The following ST6GALNAC3 variants were observed in gnomAD, a reference collection of about 807,000 sequenced individuals.
ST6GALNAC3 encodes the protein ST6 N-acetylgalactosaminide alpha-2,6-sialyltransferase 3, also known as alpha-N-acetylgalactosaminide alpha-2,6-sialyltransferase 3.
In ST6GALNAC3, 25 loss-of-function variants were observed where a neutral mutation model predicts 32.7. That is an observed-to-expected ratio of 0.76 (90% CI 0.56 to 1.07). The LOEUF (loss-of-function observed/expected upper bound fraction) is 1.07, where lower values mean the gene tolerates loss of function less well. ST6GALNAC3 is among the 50% of genes least tolerant of loss of function. The pLI is 0.00. For synonymous variants in ST6GALNAC3, 129 were observed against 133.1 expected, an observed-to-expected ratio of 0.97 and a Z score of 0.21; for missense variants, 355 against 382.4, an observed-to-expected ratio of 0.93 and a Z score of 0.60.
chr1:76,559,765 G>A (rs1246156582), intron 3 of ST6GALNAC3, among the ~76,000 whole-genome samples: 1 of 152,170 alleles, frequency 6.6e-6, no homozygotes, highest in Non-Finnish European at 1.5e-5. Context: ...GCACTGAAGA[G>A]GCAGGAAAAA....
At chr1:76,325,967 C>T (rs1647061134) in intron 2 of ST6GALNAC3, among the ~76,000 whole-genome samples, 1 of 151,944 alleles carries the variant, frequency 6.6e-6, no homozygotes, top group African/African-American at 2.4e-5. Flanking sequence ...ATTTCAGCAT[C>T]ATTTTATTAA....
chr1:76,298,278 C>A (rs1557764560), intron 1 of ST6GALNAC3, among the ~76,000 whole-genome samples: 1 of 152,006 alleles, frequency 6.6e-6, no homozygotes. Context: ...AGGAGAAAAT[C>A]TATCTAAAAA....
At chr1:76,332,561 T>C (rs546232534) in intron 2 of ST6GALNAC3, among the ~76,000 whole-genome samples, 8 of 152,192 alleles carry the variant, frequency 5.3e-5, no homozygotes, top group South Asian at 4.1e-4. Context: ...GTTTTCACCA[T>C]GTGTAGGTTA....
intron 3 of ST6GALNAC3, among the ~76,000 whole-genome samples, chr1:76,422,136 C>A (rs1655068343): frequency 6.6e-6 from 1 of 151,802 alleles, no homozygotes; most frequent in African/African-American, 2.4e-5. Context: ...TTGTTTTGTT[C>A]ACTAATATAT....
intron 1 of ST6GALNAC3, among the ~76,000 whole-genome samples, chr1:76,171,820 A>C (rs59024656): frequency 1.5e-3 from 202 of 136,368 alleles, no homozygotes; most frequent in African/African-American, 5.4e-3. Context: ...ACAACAACAA[A>C]AAAAAAAAAA....
At chr1:76,091,644 T>C (rs1193862474) in intron 1 of ST6GALNAC3, among the ~76,000 whole-genome samples, 4 of 152,252 alleles carry the variant, frequency 2.6e-5, no homozygotes, top group Middle Eastern at 3.2e-3. Flanking sequence ...ACATTTTTAC[T>C]GTATCTTTTC....
chr1:76,280,098 T>C (rs938800807), intron 1 of ST6GALNAC3, among the ~76,000 whole-genome samples: 1 of 152,116 alleles, frequency 6.6e-6, no homozygotes, highest in African/African-American at 2.4e-5. Flanking sequence ...TCGCCTTTTC[T>C]CTCTTGCTTC....
chr1:76,341,613 C>CTT (rs1376195796), intron 2 of ST6GALNAC3, among the ~76,000 whole-genome samples: 1 of 91,684 alleles, frequency 1.1e-5, no homozygotes, highest in Middle Eastern at 4.9e-3. Context: ...GCTTTTCTTT[C>CTT]TTTCTTTCTT....
chr1:76,117,496 A>C (rs548204367), intron 1 of ST6GALNAC3, among the ~76,000 whole-genome samples: 1 of 152,236 alleles, frequency 6.6e-6, no homozygotes, highest in East Asian at 1.9e-4. Flanking sequence ...GCAAACAGCA[A>C]TATTATTAGC....
chr1:76,135,140 CA>C (rs758939947), intron 1 of ST6GALNAC3, among the ~76,000 whole-genome samples: 186 of 129,782 alleles, frequency 1.4e-3, no homozygotes, highest in East Asian at 0.011. Flanking sequence ...AGACTCTGCT[CA>C]AAAAAAAAAA....
chr1:76,423,118 G>T (rs1038386945), intron 3 of ST6GALNAC3, among the ~76,000 whole-genome samples: 5 of 151,988 alleles, frequency 3.3e-5, no homozygotes, highest in Admixed American at 2.0e-4. Context: ...CCCTGACAGT[G>T]TATGAGTTAG....
At position 76,089,990 on chromosome 1, in the gene ST6GALNAC3, T is replaced by C. The variant is rs569668675; in HGVS notation, c.18+15106T>C. 5.2e-4 allele frequency among the ~76,000 whole-genome samples: 79 copies of C among 152,310 alleles called. No individual in the cohort carries two copies. In the Middle Eastern group the frequency reaches 0.01, roughly 20 times the overall value. ...AGGTAAGAGTAAGTTAGAGTGCACT[T>C]ACATACACCTGGGTGTGCACTGAGA... On this transcript the variant is annotated intron_variant, in intron 1 of 4. Coordinates refer to ENST00000328299, the MANE Select transcript of ST6GALNAC3 (RefSeq NM_152996.4).
intron 1 of ST6GALNAC3, among the ~76,000 whole-genome samples, chr1:76,155,263 C>G (rs1175273201): frequency 6.6e-6 from 1 of 151,976 alleles, no homozygotes; most frequent in Non-Finnish European, 1.5e-5. Context: ...CAAATCTTGC[C>G]CCCCGACCCC....
At chr1:76,472,589 G>A (rs1207007515) in intron 3 of ST6GALNAC3, among the ~76,000 whole-genome samples, 1 of 152,098 alleles carries the variant, frequency 6.6e-6, no homozygotes, top group Non-Finnish European at 1.5e-5. Flanking sequence ...CAATAGGCAT[G>A]TTACCAAAGC....
At chr1:76,167,495 C>T (rs1222169726) in intron 1 of ST6GALNAC3, among the ~76,000 whole-genome samples, 2 of 152,202 alleles carry the variant, frequency 1.3e-5, no homozygotes, top group Non-Finnish European at 2.9e-5. Context: ...CAGCATGATG[C>T]TGGCCTCATA....
At chr1:76,332,978 C>T (rs112707918) in intron 2 of ST6GALNAC3, among the ~76,000 whole-genome samples, 1 of 152,060 alleles carries the variant, frequency 6.6e-6, no homozygotes, top group Non-Finnish European at 1.5e-5. Flanking sequence ...ATTGCCATCA[C>T]TTTTGTGCAG....
intron 1 of ST6GALNAC3, among the ~76,000 whole-genome samples, chr1:76,209,822 G>A (rs1655037688): frequency 6.6e-6 from 1 of 152,120 alleles, no homozygotes. Flanking sequence ...GCAGCCCCCG[G>A]GCCACCCTTC....
chr1:76,113,219 A>G (rs1050983575), intron 1 of ST6GALNAC3, among the ~76,000 whole-genome samples: 12 of 151,984 alleles, frequency 7.9e-5, no homozygotes, highest in Non-Finnish European at 1.6e-4. Context: ...CGCGCCTGCA[A>G]TCGCAGGCAC....
Position 76,105,842 on chromosome 1 carries a change from CA to C in ST6GALNAC3, c.18+30961del, listed in dbSNP as rs539701741. On this transcript the variant is annotated intron_variant, in intron 1 of 4. Coordinates refer to ENST00000328299, the MANE Select transcript of ST6GALNAC3 (RefSeq NM_152996.4). ...CTATTACATTTAAAAAAATATTGTA[CA>C]AATACCACTTCAAATAATTTTCTTA... Among the ~76,000 whole-genome samples, 37 of 152,236 alleles carry C rather than the reference CA, an allele frequency of 2.4e-4. 1 individual carries two copies. In the East Asian group the frequency reaches 7.1e-3, roughly 29 times the overall value.
Sources: allele counts gnomAD v4.1 joint callset (sites outside exome capture counted in the v4.1 genomes callset), GRCh38; gene constraint gnomAD v4.1.1; transcripts MANE v1.5; gene names NCBI Gene and HGNC (gene_info 2026-07-23, HGNC 2026-07-21).